MKLN1: variants seen among roughly 807,000 people sequenced by gnomAD.
MKLN1 encodes the protein muskelin 1.
A neutral mutation model predicts 99.0 loss-of-function variants in MKLN1; 18 were observed. That is an observed-to-expected ratio of 0.18 (90% CI 0.13 to 0.27). MKLN1 has a LOEUF of 0.27. Ranked by LOEUF, MKLN1 falls within the 10% of genes least tolerant of loss-of-function variation. The probability of loss-of-function intolerance (pLI) is 1.00; values close to 1 mark genes in which losing one functional copy is unlikely to be tolerated. For synonymous variants in MKLN1, 288 were observed against 293.2 expected, an observed-to-expected ratio of 0.98 and a Z score of 0.18; for missense variants, 621 against 875.9, an observed-to-expected ratio of 0.71 and a Z score of 3.67.
intron 2 of MKLN1, among the ~76,000 whole-genome samples, chr7:131,181,163 T>G (rs1796372624): frequency 6.6e-6 from 1 of 152,212 alleles, no homozygotes; most frequent in South Asian, 2.1e-4. Flanking sequence ...ATGATAATAA[T>G]TAATGTTAAA....
chr7:131,368,091 A>G (rs551399282), intron 1 of MKLN1, among the ~76,000 whole-genome samples: 5 of 152,296 alleles, frequency 3.3e-5, no homozygotes, highest in African/African-American at 1.2e-4. Flanking sequence ...TACTATGGCA[A>G]TAGGCTCTAT....
intron 2 of MKLN1, among the ~76,000 whole-genome samples, chr7:131,198,268 C>A (rs924557173): frequency 1.3e-5 from 2 of 152,190 alleles, no homozygotes; most frequent in Non-Finnish European, 1.5e-5. Flanking sequence ...ATTATCTTAC[C>A]TAGGAACCTT....
At chr7:131,416,001 G>A (rs973315403) in intron 8 of MKLN1, among the ~76,000 whole-genome samples, 2 of 151,818 alleles carry the variant, frequency 1.3e-5, no homozygotes, top group African/African-American at 4.8e-5. Context: ...TTGCCATGTT[G>A]CCCAGGCTGG....
chr7:131,257,414 A>C (rs1440454917), intron 3 of MKLN1, among the ~76,000 whole-genome samples: 2 of 152,212 alleles, frequency 1.3e-5, no homozygotes, highest in African/African-American at 4.8e-5. Flanking sequence ...ATGATAATGA[A>C]AGCAAAACAA....
At chr7:131,162,554 A>G (rs1796070638) in intron 2 of MKLN1, among the ~76,000 whole-genome samples, 2 of 152,220 alleles carry the variant, frequency 1.3e-5, no homozygotes, top group South Asian at 2.1e-4. Context: ...AATTATTAAC[A>G]GTATTATATA....
At chr7:131,205,316 A>G (rs1416320957) in intron 3 of MKLN1, among the ~76,000 whole-genome samples, 1 of 152,194 alleles carries the variant, frequency 6.6e-6, no homozygotes, top group African/African-American at 2.4e-5. Context: ...CAACATTGGG[A>G]AATAATGTAA....
At chr7:131,247,788 T>A (rs578247659) in intron 3 of MKLN1, among the ~76,000 whole-genome samples, 9 of 152,342 alleles carry the variant, frequency 5.9e-5, no homozygotes, top group African/African-American at 1.9e-4. Flanking sequence ...ACTGGCAGGG[T>A]TTTGTCTTAG....
chr7:131,424,239 C>T (rs1410486535), intron 8 of MKLN1, among the ~76,000 whole-genome samples: 8 of 151,902 alleles, frequency 5.3e-5, no homozygotes, highest in East Asian at 3.8e-4. Context: ...TTTTTTCTCT[C>T]GGTGTCTTAA....
intron 3 of MKLN1, among the ~76,000 whole-genome samples, chr7:131,212,333 A>C (rs1241366412): frequency 6.6e-6 from 1 of 152,076 alleles, no homozygotes. Flanking sequence ...CCTACCAATC[A>C]CTCACACAGC....
intron 2 of MKLN1, among the ~76,000 whole-genome samples, chr7:131,185,441 G>T (rs1796435593): frequency 7.1e-6 from 1 of 141,826 alleles, no homozygotes; most frequent in African/African-American, 2.6e-5. Context: ...AAAAAAATTA[G>T]CCAGACACGG....
chr7:131,328,056 C>G, intron 1 of MKLN1, 59 bp downstream of exon 1: 1 of 1,571,026 alleles, frequency 6.4e-7, no homozygotes, highest in Non-Finnish European at 8.6e-7. Flanking sequence ...ACGGTTGGGC[C>G]AGGGGTGCAA....
chr7:131,389,008 T>C, intron 4 of MKLN1, 36 bp downstream of exon 4: 1 of 1,426,148 alleles, frequency 7.0e-7, no homozygotes. Flanking sequence ...AAACAAATTC[T>C]TGATATCATC....
At position 131,126,499 on chromosome 7, in the gene MKLN1, C is replaced by T. The variant is rs746651734; in HGVS notation, c.-419+16292C>T. On this transcript the variant is annotated intron_variant, in intron 1 of 7. Coordinates refer to the MKLN1 transcript ENST00000416992. ...GAGAATGTAGGTACATTTAACACGG[C>T]GGTGTTTTTTGGGAGGGCTCTCAAA... is the stretch of plus-strand genomic sequence containing the variant. 5.9e-5 allele frequency among the ~76,000 whole-genome samples: 9 copies of T among 152,158 alleles called. No individual in the cohort carries two copies. The South Asian group carries it at 1.0e-3, about 18-fold the overall frequency.
intron 3 of MKLN1, among the ~76,000 whole-genome samples, chr7:131,237,877 T>C (rs1384000023): frequency 6.6e-6 from 1 of 152,186 alleles, no homozygotes; most frequent in Non-Finnish European, 1.5e-5. Flanking sequence ...CTGGGTGTGG[T>C]AGCTCAGATC....
intron 2 of MKLN1, among the ~76,000 whole-genome samples, chr7:131,185,922 G>A (rs1003337103): frequency 1.3e-5 from 2 of 152,118 alleles, no homozygotes; most frequent in African/African-American, 2.4e-5. Context: ...GCCGGGGGTG[G>A]TGGTGCAGGC....
At chr7:131,335,362 A>G (rs1405427118) in intron 1 of MKLN1, among the ~76,000 whole-genome samples, 2 of 152,128 alleles carry the variant, frequency 1.3e-5, no homozygotes, top group Admixed American at 1.3e-4. Context: ...AATTTTACTG[A>G]TTAAGATTAA....
intron 2 of MKLN1, among the ~76,000 whole-genome samples, chr7:131,169,160 C>T (rs911692505): frequency 2.6e-5 from 4 of 152,156 alleles, no homozygotes; most frequent in African/African-American, 9.7e-5. Flanking sequence ...CCACCTCGCC[C>T]GGCCAGCCAC....
chr7:131,171,476 G>A (rs560599892), intron 2 of MKLN1, among the ~76,000 whole-genome samples: 3 of 150,852 alleles, frequency 2.0e-5, no homozygotes, highest in Non-Finnish European at 4.4e-5. Context: ...TTTTTTTTTG[G>A]GATCGTGTTT....
rs1797482181 is a variant in MKLN1, at chr7:131,493,752, T to C, written c.*6024T>C. 6.6e-6 allele frequency: 1 copy of C among 152,238 alleles called. No homozygotes were observed. Among genetic ancestry groups the C allele is most frequent in the African/African-American group, 2.4e-5 (1 of 41,464 alleles). The allele number at this position is 152,238 out of a possible 1,614,324, so 9.4% of individuals were successfully genotyped here. ...TTGCTTATTCACTGAGTTTAAGCTCTTGCTGCAACATAGCTCTGTACCATC... is the reference window on the plus strand; with the variant it reads ...TTGCTTATTCACTGAGTTTAAGCTCCTGCTGCAACATAGCTCTGTACCATC... On this transcript the variant is annotated 3_prime_UTR_variant, in exon 18 of 18. Transcript: ENST00000352689.
Sources: allele counts gnomAD v4.1 joint callset (sites outside exome capture counted in the v4.1 genomes callset), GRCh38; gene constraint gnomAD v4.1.1; transcripts MANE v1.5; gene names NCBI Gene and HGNC (gene_info 2026-07-23, HGNC 2026-07-21).